MAP3K9: variants seen among roughly 807,000 people sequenced by gnomAD.
The protein encoded by MAP3K9 is mixed lineage kinase 1 (tyr and ser/thr specificity).
Under a neutral mutation model 95.8 loss-of-function variants are expected in MAP3K9, and 46 were observed. The observed-to-expected ratio is 0.48, with a 90% CI of 0.38 to 0.61. The LOEUF (loss-of-function observed/expected upper bound fraction) is 0.61. Among genes scored for constraint, MAP3K9 ranks in the 20% least tolerant of loss-of-function variants. The pLI is 0.00. For synonymous variants in MAP3K9, 533 were observed against 593.8 expected, an observed-to-expected ratio of 0.90 and a Z score of 1.49; for missense variants, 1,296 against 1,474.3, an observed-to-expected ratio of 0.88 and a Z score of 1.98.
chr14:70,753,208 A>G (rs187302526), intron 3 of MAP3K9, among the ~76,000 whole-genome samples: 1 of 152,182 alleles, frequency 6.6e-6, no homozygotes, highest in Non-Finnish European at 1.5e-5. Flanking sequence ...CCAACAACTA[A>G]CCCTCATCCA....
chr14:70,742,553 T>A lies in MAP3K9; in HGVS notation c.1365A>T (p.Ala455=). The part of the protein sequence containing the change: ...RTWEEELTRA[A]LQQKNQEELL... ...GTTCCTCCTGGTTCTTCTGCTGCAG[T>A]GCAGCCCGCGTCAGCTCCTCCTCCC... Residue 455 remains alanine, a synonymous_variant, in exon 6 of 12, where the codon GCA becomes GCT. Transcript: ENST00000554752. 6.2e-7 allele frequency: 1 copy of A among 1,614,178 alleles called. No individual in the cohort carries two copies. The highest frequency in any genetic ancestry group is 8.5e-7 in the Non-Finnish European group (1 of 1,180,032).
chr14:70,774,983 C>CAAA (rs60144338), intron 2 of MAP3K9, among the ~76,000 whole-genome samples: 73 of 55,108 alleles, frequency 1.3e-3, no homozygotes, highest in East Asian at 3.7e-3. Flanking sequence ...ACTCTGTCCC[C>CAAA]AAAAAAAAAA....
Position 70,732,891 on chromosome 14 carries a change from T to C in MAP3K9, c.2478A>G (p.Gly826=), listed in dbSNP as rs1203889886. The C allele has an allele frequency of 2.5e-6, 4 of 1,613,784 alleles. No individual in the cohort carries two copies. Among genetic ancestry groups the C allele is most frequent in the African/African-American group, 1.3e-5 (1 of 75,008 alleles). Residue 826 remains glycine (G), a synonymous_variant, in exon 11 of 12, where the codon GGA becomes GGG. Coordinates refer to ENST00000554752, the MANE Select transcript of MAP3K9 (RefSeq NM_001284230.2). The stretch of plus-strand genomic sequence containing the variant: ...GCAGCGTCAGGGAGGCAGAGGGGTC[T>C]CCTAGCAACAGCATGGGCTCCTCCT... The part of the protein sequence containing the change: ...FKKEEPMLLL[G]DPSASLTLLS...
intron 2 of MAP3K9, among the ~76,000 whole-genome samples, chr14:70,762,323 G>C (rs1480342274): frequency 6.6e-6 from 1 of 152,142 alleles, no homozygotes; most frequent in Admixed American, 6.6e-5. Flanking sequence ...AAATTGTTCT[G>C]CACAGCAGAA....
At chr14:70,731,025 T>C (rs977569193) in intron 11 of MAP3K9, among the ~76,000 whole-genome samples, 161 bp from the exon 12 acceptor site, 3 of 149,138 alleles carry the variant, frequency 2.0e-5, no homozygotes, top group Non-Finnish European at 3.0e-5. Flanking sequence ...GGGGATACAG[T>C]AGTGACCTAG....
At chr14:70,748,768 A>G (rs1284819478) in intron 5 of MAP3K9, 61 bp downstream of exon 5, 1 of 1,410,436 alleles carries the variant, frequency 7.1e-7, no homozygotes, top group African/African-American at 1.4e-5. Context: ...AGGTCTACCA[A>G]TTCAATGCAT....
chr14:70,787,482 C>T (rs572341459), intron 2 of MAP3K9, among the ~76,000 whole-genome samples: 3 of 147,354 alleles, frequency 2.0e-5, no homozygotes, highest in Non-Finnish European at 4.5e-5. Flanking sequence ...CACACCAGCT[C>T]GGGCAACAGT....
Position 70,730,832 on chromosome 14 carries a change from G to T in MAP3K9, c.2863C>A (p.Pro955Thr). The change falls in exon 12 of 12, where the codon CCA (proline) becomes ACA (threonine). Residue 955 changes from proline (P) to threonine (T), a missense_variant. Around this residue, in one of 5 missense-constraint regions of MAP3K9, gnomAD observed 433 missense variants for 441.4 expected, o/e 0.98. Transcript: ENST00000554752. ...TCAGGGAGACGGGGGAATTCACCTGGGTCTCGGCTGGGACTGGGGGTTTTC... is the reference window on the plus strand; with the variant it reads ...TCAGGGAGACGGGGGAATTCACCTGTGTCTCGGCTGGGACTGGGGGTTTTC... ...MLKTPSPSRD[P>T]GEFPRLPDPN... is the part of the protein sequence containing the mutation. 1 of 1,609,696 alleles carries T rather than the reference G, an allele frequency of 6.2e-7. No individual in the cohort carries two copies.
At chr14:70,794,405 C>T (rs2054839585) in intron 2 of MAP3K9, among the ~76,000 whole-genome samples, 1 of 152,130 alleles carries the variant, frequency 6.6e-6, no homozygotes, top group South Asian at 2.1e-4. Flanking sequence ...AGCAGAACGA[C>T]GTTATTCCCA....
At chr14:70,807,000 A>G (rs1184660372) in intron 1 of MAP3K9, among the ~76,000 whole-genome samples, 1 of 152,230 alleles carries the variant, frequency 6.6e-6, no homozygotes, top group Non-Finnish European at 1.5e-5. Context: ...TCTGGAAACA[A>G]TTTAAAGTAA....
At chr14:70,744,066 G>C (rs940660181) in intron 5 of MAP3K9, among the ~76,000 whole-genome samples, 1 of 152,170 alleles carries the variant, frequency 6.6e-6, no homozygotes, top group African/African-American at 2.4e-5. Context: ...CGTGGATGAA[G>C]CTGGAGACCA....
intron 2 of MAP3K9, among the ~76,000 whole-genome samples, chr14:70,791,420 A>G (rs1464724848): frequency 6.6e-6 from 1 of 152,204 alleles, no homozygotes; most frequent in Non-Finnish European, 1.5e-5. Flanking sequence ...ACGGTGATGA[A>G]ATAGGAAGAA....
At chr14:70,760,691 G>A (rs2054361458) in intron 3 of MAP3K9, among the ~76,000 whole-genome samples, 1 of 152,120 alleles carries the variant, frequency 6.6e-6, no homozygotes, top group Non-Finnish European at 1.5e-5. Context: ...GAAGGACCGA[G>A]TGTCCTTCCC....
intron 2 of MAP3K9, among the ~76,000 whole-genome samples, chr14:70,791,965 G>T (rs908192657): frequency 2.0e-5 from 3 of 152,314 alleles, no homozygotes; most frequent in East Asian, 1.9e-4. Context: ...AAAGGGAAAG[G>T]CAAGGTTCCC....
chr14:70,761,335 C>A, intron 2 of MAP3K9, 153 bp from the exon 3 acceptor site: 1 of 639,242 alleles, frequency 1.6e-6, no homozygotes. Context: ...ATTTCTTAAA[C>A]ACCTACAGTG....
chr14:70,759,874 C>A (rs2054347376), intron 3 of MAP3K9, among the ~76,000 whole-genome samples: 1 of 152,138 alleles, frequency 6.6e-6, no homozygotes, highest in Non-Finnish European at 1.5e-5. Flanking sequence ...CCCATCTCAG[C>A]CTCCCACGTA....
chr14:70,747,905 G>C (rs947722807), intron 5 of MAP3K9, among the ~76,000 whole-genome samples: 1 of 151,986 alleles, frequency 6.6e-6, no homozygotes, highest in African/African-American at 2.4e-5. Context: ...TCAGGAGATC[G>C]AGAGCATTCT....
chr14:70,788,109 TTC>T (rs1239579068), intron 2 of MAP3K9, among the ~76,000 whole-genome samples: 4 of 152,330 alleles, frequency 2.6e-5, no homozygotes, highest in South Asian at 4.1e-4. Flanking sequence ...CTTTTCTTTT[TTC>T]TCTCTCTTTT....
chr14:70,777,821 T>A (rs138657921), intron 2 of MAP3K9, among the ~76,000 whole-genome samples: 43 of 152,264 alleles, frequency 2.8e-4, no homozygotes, highest in African/African-American at 1.0e-3. Flanking sequence ...CTCTAAGACA[T>A]AACCAACATC....
Sources: allele counts gnomAD v4.1 joint callset (sites outside exome capture counted in the v4.1 genomes callset), GRCh38; gene constraint gnomAD v4.1.1; regional missense constraint gnomAD v4.1.1; transcripts MANE v1.5; gene names NCBI Gene and HGNC (gene_info 2026-07-23, HGNC 2026-07-21).